The following TG variants were observed in gnomAD, a reference collection of about 807,000 sequenced individuals.
TG encodes the protein thyroid hormones.
In TG, 270 loss-of-function variants were observed where a neutral mutation model predicts 324.7. That is an observed-to-expected ratio of 0.83 (90% CI 0.75 to 0.92). TG has a LOEUF of 0.92. Ranked by LOEUF, TG falls within the 40% of genes least tolerant of loss-of-function variation. TG has a pLI of 0.00. For synonymous variants in TG, 1,401 were observed against 1,327.0 expected (o/e 1.06, Z -1.21); for missense variants, 3,591 against 3,456.4 (o/e 1.04, Z -0.98).
At chr8:132,964,919 G>A (rs908232115) in intron 29 of TG, 1 of 702,250 alleles carries the variant, frequency 1.4e-6, no homozygotes, top group African/African-American at 1.7e-5. Context: ...AGAAGGATCT[G>A]CCAGATGCTC....
chr8:133,099,638 A>G (rs1848954263), intron 43 of TG, among the ~76,000 whole-genome samples: 1 of 152,030 alleles, frequency 6.6e-6, no homozygotes, highest in Non-Finnish European at 1.5e-5. Flanking sequence ...CCCATCCCCA[A>G]CCAGCATGTT....
Position 133,042,678 on chromosome 8 carries a change from C to CCTTTTTTTTTTTTTTT in TG, c.7239+12655_7239+12656insCTTTTTTTTTTTTTTT, listed in dbSNP as rs1554706932. 8.1e-4 allele frequency among the ~76,000 whole-genome samples: 46 copies of CCTTTTTTTTTTTTTTT among 56,764 alleles called. 6 individuals carry two copies. The highest frequency in any genetic ancestry group is 2.4e-3 in the South Asian group (4 of 1,676). 37.2% of individuals were successfully genotyped at this position (56,764 alleles called of 152,430 possible). On this transcript the variant is annotated intron_variant, in intron 41 of 47. Transcript: ENST00000220616. ...GTGCACAATTCCTCTCATTCTGTGT[C>CCTTTTTTTTTTTTTTT]TTTTTTTTTTTTTTTTTTTTTTTTT...
chr8:132,893,586 T>C, intron 10 of TG, 104 bp from the exon 11 acceptor site: 2 of 1,468,838 alleles, frequency 1.4e-6, no homozygotes, highest in Non-Finnish European at 1.9e-6. Context: ...GTGTGGTGTG[T>C]GTGTGGTGTG....
At position 133,022,205 on chromosome 8, in the gene TG, C is replaced by T. The variant is rs1564082136; in HGVS notation, c.7036+55C>T. The T allele has an allele frequency of 2.5e-6, 4 of 1,611,304 alleles. No homozygotes were observed. The East Asian group carries it at 6.7e-5, about 27-fold the overall frequency. On this transcript the variant is annotated intron_variant, in intron 40 of 47. Coordinates refer to ENST00000220616, the MANE Select transcript of TG (RefSeq NM_003235.5). ...GACCCCCTGAGCCAAGGCTCAGCCC[C>T]TTTTCCCCAAGACCCATCCCCTCAC...
In TG at chr8:132,969,572, A is replaced by G; in HGVS notation, c.5975+3A>G. On this transcript the variant is annotated splice_donor_region_variant and intron_variant, in intron 32 of 47. Coordinates refer to ENST00000220616, the MANE Select transcript of TG (RefSeq NM_003235.5). The stretch of plus-strand genomic sequence containing the variant: ...TCTGAAAAATCTATTTCTAATGGGT[A>G]AGCTACTTGTGTCTCACCCCTAATG... 6.5e-7 allele frequency: 1 copy of G among 1,545,986 alleles called. No homozygotes were observed. The highest frequency in any genetic ancestry group is 1.4e-5 in the African/African-American group (1 of 73,342).
chr8:133,055,238 G>A (rs993169516), intron 41 of TG, among the ~76,000 whole-genome samples: 2 of 152,106 alleles, frequency 1.3e-5, no homozygotes, highest in African/African-American at 4.8e-5. Flanking sequence ...GTAGGGAGCT[G>A]TACAGCCCAG....
chr8:132,983,334 G>A lies in TG; in HGVS notation c.6200-16G>A, dbSNP rs773216126. 2 of 1,613,770 alleles carry A rather than the reference G, an allele frequency of 1.2e-6. No homozygotes were observed. The highest frequency in any genetic ancestry group is 1.7e-5 in the Admixed American group (1 of 60,006). On this transcript the variant is annotated splice_polypyrimidine_tract_variant and intron_variant, in intron 34 of 47. Transcript: ENST00000220616. Reference sequence around the variant, plus strand: ...GGGGGTAGAAAAGAACTGAAAGACTGCTTTTTCCTTTTCAGTTGCTCAAAA... The same window carrying A: ...GGGGGTAGAAAAGAACTGAAAGACTACTTTTTCCTTTTCAGTTGCTCAAAA...
intron 41 of TG, among the ~76,000 whole-genome samples, chr8:133,094,249 T>C (rs1373613593): frequency 5.3e-5 from 8 of 150,514 alleles, no homozygotes; most frequent in East Asian, 1.9e-4. Flanking sequence ...TTTCTTTTTT[T>C]TTTTTTTTTT....
chr8:132,923,845 A>T (rs936177378), intron 22 of TG, among the ~76,000 whole-genome samples: 1 of 152,072 alleles, frequency 6.6e-6, no homozygotes, highest in African/African-American at 2.4e-5. Flanking sequence ...AGGCAGCTTG[A>T]CTTCACTAAT....
At chr8:133,004,666 G>A (rs1398981636) in intron 35 of TG, among the ~76,000 whole-genome samples, 2 of 152,168 alleles carry the variant, frequency 1.3e-5, no homozygotes, top group Non-Finnish European at 1.5e-5. Flanking sequence ...GAGAGTAGGG[G>A]ACACACAGGA....
At chr8:132,954,887 T>G (rs2142380) in intron 27 of TG, among the ~76,000 whole-genome samples, 47,925 of 152,080 alleles carry the variant, frequency 0.32, 10,337 homozygotes, top group African/African-American at 0.61. Context: ...TCTGCTTCAC[T>G]CTGGGAAGTG....
intron 28 of TG, 83 bp from the exon 29 acceptor site, chr8:132,962,911 C>T (rs765346878): frequency 5.1e-5 from 68 of 1,320,800 alleles, no homozygotes; most frequent in Non-Finnish European, 7.4e-5. Flanking sequence ...TGATTTTTCT[C>T]ACATTGCTAC....
chr8:132,949,054 G>T, intron 27 of TG, 111 bp downstream of exon 27: 5 of 712,048 alleles, frequency 7.0e-6, no homozygotes, highest in East Asian at 2.9e-5. Context: ...TTATACTTCT[G>T]AAAAAAAAAA....
Position 132,886,507 on chromosome 8 carries a change from A to G in TG, c.1135A>G (p.Thr379Ala). The G allele has an allele frequency of 6.2e-7, 1 of 1,614,118 alleles. No homozygotes were observed. The highest frequency in any genetic ancestry group is 8.5e-7 in the Non-Finnish European group (1 of 1,180,020). ...GGCCTTGTCCAGACTCTACTTTGGG[A>G]CCTCAGGCTACTTCAGCCAGCACGA... ...QQALSRLYFG[T>A]SGYFSQHDLF... Residue 379 changes from threonine (T) to alanine (A), a missense_variant, in exon 9 of 48, where the codon ACC becomes GCC. Physicochemically the swap from Thr to Ala is moderately conservative, Grantham distance 58. Transcript: ENST00000220616.
At chr8:132,911,927 C>T (rs1398636447) in intron 19 of TG, among the ~76,000 whole-genome samples, 5 of 152,098 alleles carry the variant, frequency 3.3e-5, no homozygotes, top group African/African-American at 1.2e-4. Flanking sequence ...AGGGCAGTCA[C>T]GATATGGATG....
intron 21 of TG, among the ~76,000 whole-genome samples, chr8:132,921,006 T>G (rs578060869): frequency 6.6e-6 from 1 of 152,346 alleles, no homozygotes; most frequent in African/African-American, 2.4e-5. Context: ...TTGAAGGCTC[T>G]CTTTCTGTTT....
chr8:133,054,417 C>T (rs1193764960), intron 41 of TG, among the ~76,000 whole-genome samples: 3 of 152,140 alleles, frequency 2.0e-5, no homozygotes, highest in Non-Finnish European at 2.9e-5. Context: ...CACAGTGATG[C>T]GATTTGGGGG....
Position 132,901,491 on chromosome 8 carries a change from T to C in TG, c.3572T>C (p.Val1191Ala), listed in dbSNP as rs199858037. Residue 1191 changes from valine to alanine, a missense_variant, in exon 16 of 48, where the codon GTC becomes GCC. Val to Ala is a moderately conservative substitution (Grantham distance 64). Coordinates refer to ENST00000220616, the MANE Select transcript of TG (RefSeq NM_003235.5). ...CAGGCCCAGGGCAGCTGCTGGTGTG[T>C]CATGGACAGCGGAGAAGAGGTGCCT... Reference protein sequence around the residue: ...CDQAQGSCWCVMDSGEEVPGT... With the variant: ...CDQAQGSCWCAMDSGEEVPGT... The C allele has an allele frequency of 2.7e-5, 43 of 1,614,006 alleles. No homozygotes were observed. The East Asian group carries it at 8.5e-4, about 32-fold the overall frequency.
intron 26 of TG, among the ~76,000 whole-genome samples, chr8:132,944,738 CT>C (rs1824982353): frequency 6.6e-6 from 1 of 152,212 alleles, no homozygotes; most frequent in Admixed American, 6.5e-5. Context: ...AATTGCTAGA[CT>C]CTGAAGACAA....
Sources: allele counts gnomAD v4.1 joint callset (sites outside exome capture counted in the v4.1 genomes callset), GRCh38; gene constraint gnomAD v4.1.1; transcripts MANE v1.5; gene names NCBI Gene and HGNC (gene_info 2026-07-23, HGNC 2026-07-21).